NRXN1: variants seen among roughly 807,000 people sequenced by gnomAD.
NRXN1 encodes neurexin-1.
In NRXN1, 39 loss-of-function variants were observed where a neutral mutation model predicts 150.9. That is an observed-to-expected ratio of 0.26 (90% confidence interval 0.20 to 0.34). NRXN1 has a LOEUF of 0.34. NRXN1 is among the 10% of genes least tolerant of loss of function. The pLI is 1.00. For synonymous variants in NRXN1, 924 were observed against 757.0 expected, an observed-to-expected ratio of 1.22 and a Z score of -3.62; for missense variants, 1,815 against 1,949.9, an observed-to-expected ratio of 0.93 and a Z score of 1.30.
chr2:50,533,724 T>A (rs1221170253), intron 10 of NRXN1, among the ~76,000 whole-genome samples: 2 of 152,130 alleles, frequency 1.3e-5, no homozygotes, highest in African/African-American at 4.8e-5. Flanking sequence ...TATGTCCCGC[T>A]TCTTGTTCAG....
chr2:50,313,087 T>C (rs1554284), intron 17 of NRXN1, among the ~76,000 whole-genome samples: 65,237 of 151,932 alleles, frequency 0.43, 17,173 homozygotes, highest in African/African-American at 0.74. Context: ...GAGAGTGATA[T>C]TTCTATGGGA....
chr2:50,717,768 C>A (rs771797295), intron 5 of NRXN1, among the ~76,000 whole-genome samples: 12 of 152,136 alleles, frequency 7.9e-5, no homozygotes, highest in Non-Finnish European at 1.8e-4. Context: ...TCCAGGTTCA[C>A]AGGTGGCACT....
chr2:50,909,694 C>T (rs2104074524), intron 5 of NRXN1, among the ~76,000 whole-genome samples: 1 of 152,056 alleles, frequency 6.6e-6, no homozygotes. Flanking sequence ...TAATTTCAAA[C>T]TCTCCAAAAC....
intron 17 of NRXN1, among the ~76,000 whole-genome samples, chr2:50,296,518 C>CTATTAGTATTATTAGTATTATTAT (rs60974449): frequency 6.8e-6 from 1 of 148,016 alleles, no homozygotes; most frequent in Non-Finnish European, 1.5e-5. Context: ...TGCTTAGCTT[C>CTATTAGTATTATTAGTATTATTAT]TATTATTATT....
At chr2:50,167,852 T>C (rs2152796978) in intron 18 of NRXN1, among the ~76,000 whole-genome samples, 1 of 152,288 alleles carries the variant, frequency 6.6e-6, no homozygotes, top group Admixed American at 6.5e-5. Flanking sequence ...CTCTGAGCTA[T>C]GGTCCAGGAT....
intron 5 of NRXN1, among the ~76,000 whole-genome samples, chr2:50,803,403 C>T (rs868821489): frequency 6.6e-6 from 1 of 152,174 alleles, no homozygotes. Context: ...ATAAATCCTT[C>T]CCCAGTGTAG....
At chr2:50,989,692 C>T (rs1489393221) in intron 2 of NRXN1, among the ~76,000 whole-genome samples, 2 of 152,008 alleles carry the variant, frequency 1.3e-5, no homozygotes, top group African/African-American at 2.4e-5. Context: ...TGTCTATCCA[C>T]TAAGCAATTG....
At chr2:50,037,325 T>A (rs1002051059) in intron 21 of NRXN1, among the ~76,000 whole-genome samples, 7 of 149,920 alleles carry the variant, frequency 4.7e-5, no homozygotes, top group Non-Finnish European at 1.0e-4. Flanking sequence ...ATAAAAAAAA[T>A]TTTTGAAGTC....
chr2:50,937,540 A>T (rs1389888713), intron 2 of NRXN1, among the ~76,000 whole-genome samples: 1 of 152,024 alleles, frequency 6.6e-6, no homozygotes, highest in African/African-American at 2.4e-5. Context: ...GGCAAAATAA[A>T]CTGAAGGAGT....
intron 19 of NRXN1, among the ~76,000 whole-genome samples, chr2:50,064,399 C>T (rs1021697836): frequency 6.7e-6 from 1 of 149,928 alleles, no homozygotes; most frequent in Admixed American, 6.7e-5. Context: ...GGTGCATACA[C>T]ATTAGCAGAA....
intron 17 of NRXN1, among the ~76,000 whole-genome samples, chr2:50,280,183 C>T (rs1222249584): frequency 6.7e-6 from 1 of 149,426 alleles, no homozygotes; most frequent in Non-Finnish European, 1.5e-5. Flanking sequence ...GAATCTGAGG[C>T]AGGAGAATGG....
chr2:50,318,628 T>C (rs2075795218), intron 17 of NRXN1, among the ~76,000 whole-genome samples: 1 of 152,026 alleles, frequency 6.6e-6, no homozygotes, highest in Non-Finnish European at 1.5e-5. Flanking sequence ...TTAAATGCTA[T>C]AATAAACCCC....
At chr2:50,601,869 G>C (rs1351622183) in intron 8 of NRXN1, among the ~76,000 whole-genome samples, 4 of 152,132 alleles carry the variant, frequency 2.6e-5, no homozygotes, top group Admixed American at 6.6e-5. Context: ...TCATGGGTTA[G>C]TCAGACACAA....
intron 17 of NRXN1, among the ~76,000 whole-genome samples, chr2:50,261,946 A>G (rs1363661967): frequency 6.6e-6 from 1 of 151,870 alleles, no homozygotes; most frequent in Non-Finnish European, 1.5e-5. Flanking sequence ...TTCTTCTGAA[A>G]ATAAAGGAGT....
rs141494877 is a variant in NRXN1 at position 50,109,576 on chromosome 2, C to A, written c.3547-18082G>T. On this transcript the variant is annotated intron_variant, in intron 18 of 22. Coordinates refer to ENST00000401669, the MANE Select transcript of NRXN1 (RefSeq NM_001330078.2). ...TTTATTGTACTATTAGACACTGACACGTTTTAAAGGATCCTTAAAAAAAAA... is the reference window on the plus strand; with the variant it reads ...TTTATTGTACTATTAGACACTGACAAGTTTTAAAGGATCCTTAAAAAAAAA... Among the ~76,000 whole-genome samples the A allele has an allele frequency of 6.0e-5, 9 of 150,498 alleles. No individual in the cohort carries two copies. In the East Asian group the frequency reaches 1.4e-3, roughly 23 times the overall value.
intron 10 of NRXN1, among the ~76,000 whole-genome samples, chr2:50,531,993 A>C (rs2093128687): frequency 6.6e-6 from 1 of 152,036 alleles, no homozygotes; most frequent in African/African-American, 2.4e-5. Context: ...CCACAGGCGC[A>C]TGACACCATG....
intron 5 of NRXN1, among the ~76,000 whole-genome samples, chr2:50,733,795 TAA>T (rs1389183549): frequency 6.6e-6 from 1 of 152,194 alleles, no homozygotes; most frequent in Non-Finnish European, 1.5e-5. Flanking sequence ...CAATGGTTTA[TAA>T]AGATATTTCT....
At chr2:51,024,716 T>C (rs1670157798) in intron 2 of NRXN1, among the ~76,000 whole-genome samples, 1 of 152,150 alleles carries the variant, frequency 6.6e-6, no homozygotes, top group East Asian at 1.9e-4. Context: ...TACTTTTTAG[T>C]AGTTCTTATT....
At chr2:50,477,317 G>C (rs1274088914) in intron 15 of NRXN1, among the ~76,000 whole-genome samples, 1 of 152,178 alleles carries the variant, frequency 6.6e-6, no homozygotes, top group African/African-American at 2.4e-5. Flanking sequence ...TAGGAAACTA[G>C]GGAATTTGAA....
Sources: gnomAD v4.1 joint callset for allele counts (sites outside exome capture counted in the v4.1 genomes callset) on GRCh38, gnomAD v4.1.1 for gene constraint, MANE v1.5 for transcripts, NCBI Gene and HGNC (gene_info 2026-07-23, HGNC 2026-07-21) for gene names.